Variants in DENND2B observed in about 807,000 individuals in gnomAD.
The protein encoded by DENND2B is DENN domain-containing protein 2B.
A neutral mutation model predicts 116.0 loss-of-function variants in DENND2B; 32 were observed. That is an observed-to-expected ratio of 0.28 (90% CI 0.21 to 0.37). The LOEUF is 0.37. Among genes scored for constraint, DENND2B ranks in the 10% least tolerant of loss-of-function variants. The pLI is 1.00. For missense variants in DENND2B, 1,276 were observed against 1,477.7 expected, an observed-to-expected ratio of 0.86 and a Z score of 2.24; for synonymous variants, 588 against 583.9, an observed-to-expected ratio of 1.01 and a Z score of -0.10.
chr11:8,707,633 G>C lies in DENND2B; in HGVS notation c.2430+144C>G. 3.8e-6 allele frequency: 3 copies of C among 793,496 alleles called. No individual in the cohort carries two copies. In the South Asian group the frequency reaches 5.2e-5, roughly 14 times the overall value. 49.2% of individuals were successfully genotyped at this position (793,496 alleles called of 1,614,324 possible). A position where few individuals can be genotyped will look rare whatever the true frequency, so the allele number is the denominator to read the frequency against. ...CAGGCCGGGGAATGGGAGGGTGTCA[G>C]AGAGCTCACTGGTACTTGTTCCTGC... On this transcript the variant is annotated intron_variant, in intron 12 of 19. Transcript: ENST00000313726. This position sits in a 1 kb window ranked among gnomAD's most constrained non-coding sequence, Gnocchi z 4.8.
chr11:8,811,196 G>A (rs1181173135), upstream of DENND2B: 7 of 398,328 alleles, frequency 1.8e-5, no homozygotes, highest in African/African-American at 6.2e-5. Flanking sequence ...CAGTTGGGGC[G>A]GAAATGCACT....
chr11:8,722,028 G>A (rs1373083049), intron 4 of DENND2B, among the ~76,000 whole-genome samples: 1 of 152,222 alleles, frequency 6.6e-6, no homozygotes, highest in African/African-American at 2.4e-5. Context: ...CAAACATAAG[G>A]CCTGGTAGAA....
At chr11:8,735,897 T>C (rs2048942810) in intron 2 of DENND2B, among the ~76,000 whole-genome samples, 1 of 152,220 alleles carries the variant, frequency 6.6e-6, no homozygotes, top group South Asian at 2.1e-4. Flanking sequence ...AGAGTGCTCA[T>C]TCCTGGGCTT....
At chr11:8,698,137 C>CAAAA (rs33975736) in intron 16 of DENND2B, among the ~76,000 whole-genome samples, 3,557 of 39,694 alleles carry the variant, frequency 0.09, 461 homozygotes, top group Non-Finnish European at 0.13. Context: ...ACCCTGTCTC[C>CAAAA]AAAAAAAAAA....
At chr11:8,827,176 C>T (rs1461092250) in intron 4 of DENND2B, among the ~76,000 whole-genome samples, 1 of 152,228 alleles carries the variant, frequency 6.6e-6, no homozygotes, top group Non-Finnish European at 1.5e-5. Flanking sequence ...CTGTCTGGGG[C>T]TCCTTACCCT....
intron 4 of DENND2B, among the ~76,000 whole-genome samples, chr11:8,823,765 C>A (rs2134554235): frequency 6.6e-6 from 1 of 152,288 alleles, no homozygotes; most frequent in South Asian, 2.1e-4. Flanking sequence ...CAGTCTTGGG[C>A]AGTTCTTTAT....
chr11:8,716,664 T>C lies in DENND2B; in HGVS notation c.1630-846A>G, dbSNP rs74718694. ...AGAGGGTAAATCTTTTTTTTTTTTT[T>C]TGAGACGGAGTCTCGCTGTGTCGCC... On this transcript the variant is annotated intron_variant, in intron 5 of 19. Coordinates refer to ENST00000313726, the MANE Select transcript of DENND2B (RefSeq NM_213618.2). Among the ~76,000 whole-genome samples the C allele has an allele frequency of 2.0e-5, 3 of 152,172 alleles. No homozygotes were observed. In the South Asian group the frequency reaches 6.2e-4, roughly 32 times the overall value.
At chr11:8,798,754 G>C (rs2060047261) in intron 1 of DENND2B, among the ~76,000 whole-genome samples, 1 of 152,032 alleles carries the variant, frequency 6.6e-6, no homozygotes, top group African/African-American at 2.4e-5. Flanking sequence ...CAACTGGAGG[G>C]GGTAGGAAAG....
intron 3 of DENND2B, among the ~76,000 whole-genome samples, chr11:8,845,796 A>G (rs981442095): frequency 3.3e-5 from 5 of 152,262 alleles, no homozygotes; most frequent in African/African-American, 1.2e-4. Context: ...CTCTCCCACC[A>G]AAACAGTGGC....
intron 1 of DENND2B, among the ~76,000 whole-genome samples, chr11:8,895,195 A>G (rs1010486254): frequency 6.6e-5 from 10 of 152,110 alleles, no homozygotes; most frequent in African/African-American, 2.4e-4. Flanking sequence ...TGGGAAGTGA[A>G]CAATGAGAAC....
intron 1 of DENND2B, among the ~76,000 whole-genome samples, chr11:8,799,749 A>G (rs2060154772): frequency 1.3e-5 from 2 of 150,926 alleles, no homozygotes; most frequent in East Asian, 3.9e-4. Flanking sequence ...ACACTCCTTT[A>G]TAGTTGCTGG....
intron 16 of DENND2B, among the ~76,000 whole-genome samples, chr11:8,698,489 C>G (rs910382691): frequency 1.3e-5 from 2 of 152,206 alleles, no homozygotes; most frequent in African/African-American, 4.8e-5. Context: ...AGGAGGATTT[C>G]CACGACTAAC....
intron 4 of DENND2B, among the ~76,000 whole-genome samples, chr11:8,823,079 T>G (rs1433958238): frequency 6.8e-6 from 1 of 147,450 alleles, no homozygotes; most frequent in East Asian, 2.0e-4. Context: ...AGCTAGTAAG[T>G]GATCCATAAA....
At chr11:8,710,769 AC>A in intron 11 of DENND2B, 75 bp downstream of exon 11, 3 of 1,252,252 alleles carry the variant, frequency 2.4e-6, no homozygotes, top group South Asian at 1.2e-5. Flanking sequence ...ACACACACAC[AC>A]ACACACACAC....
intron 1 of DENND2B, among the ~76,000 whole-genome samples, chr11:8,892,453 C>T (rs1275674109): frequency 6.6e-6 from 1 of 151,810 alleles, no homozygotes; most frequent in East Asian, 1.9e-4. Context: ...TCAATGAATC[C>T]AGGAGCTGGT....
intron 1 of DENND2B, among the ~76,000 whole-genome samples, chr11:8,897,258 A>G (rs886394040): frequency 6.6e-6 from 1 of 152,196 alleles, no homozygotes; most frequent in Non-Finnish European, 1.5e-5. Context: ...CACCATCTCA[A>G]ACAAACAAAC....
chr11:8,726,239 T>C, intron 3 of DENND2B, 30 bp from the exon 4 acceptor site: 1 of 1,585,084 alleles, frequency 6.3e-7, no homozygotes, highest in Non-Finnish European at 8.6e-7. Context: ...GAGTCATTCC[T>C]GCTGAATCAG....
At chr11:8,788,213 C>T (rs911083828) in intron 1 of DENND2B, among the ~76,000 whole-genome samples, 11 of 152,076 alleles carry the variant, frequency 7.2e-5, no homozygotes, top group Non-Finnish European at 1.2e-4. Flanking sequence ...GACTACCTAC[C>T]AAAACAAACC....
At chr11:8,836,789 A>T (rs1364143531) in intron 4 of DENND2B, among the ~76,000 whole-genome samples, 1 of 152,098 alleles carries the variant, frequency 6.6e-6, no homozygotes, top group Non-Finnish European at 1.5e-5. Flanking sequence ...ATCTCAGCTC[A>T]CTGCAGTCTC....
Sources: allele counts gnomAD v4.1 joint callset (sites outside exome capture counted in the v4.1 genomes callset), GRCh38; gene constraint gnomAD v4.1.1; non-coding constraint Gnocchi (gnomAD v3.1); transcripts MANE v1.5; gene names NCBI Gene and HGNC (gene_info 2026-07-23, HGNC 2026-07-21).